The following HDAC9 variants were observed in gnomAD, a reference collection of about 807,000 sequenced individuals.
The protein encoded by HDAC9 is MEF-2 interacting transcription repressor (MITR) protein.
A neutral mutation model predicts 139.4 loss-of-function variants in HDAC9; 41 were observed. The ratio of observed to expected loss-of-function variants is 0.29; its 90% CI spans 0.23 to 0.38. The LOEUF is 0.38. Ranked by LOEUF, HDAC9 falls within the 10% of genes least tolerant of loss-of-function variation. HDAC9 has a pLI of 1.00. For synonymous variants in HDAC9, 517 were observed against 476.2 expected (o/e 1.09, Z -1.12); for missense variants, 1,147 against 1,297.0 (o/e 0.88, Z 1.78).
At chr7:18,542,503 A>G (rs922874556) in intron 2 of HDAC9, among the ~76,000 whole-genome samples, 5 of 152,260 alleles carry the variant, frequency 3.3e-5, no homozygotes, top group Non-Finnish European at 7.3e-5. Flanking sequence ...ATAGTCCTAC[A>G]GTACAGGAAA....
chr7:18,216,668 C>G (rs1432633244), intron 2 of HDAC9, among the ~76,000 whole-genome samples: 1 of 152,066 alleles, frequency 6.6e-6, no homozygotes, highest in East Asian at 1.9e-4. Context: ...TTAAACCATT[C>G]TGGGATTTCT....
intron 1 of HDAC9, among the ~76,000 whole-genome samples, chr7:18,143,324 A>G (rs912364616): frequency 6.6e-6 from 1 of 152,212 alleles, no homozygotes; most frequent in Non-Finnish European, 1.5e-5. Context: ...TGACTACATT[A>G]AGACATTTTT....
intron 2 of HDAC9, among the ~76,000 whole-genome samples, chr7:18,216,857 A>G (rs1020595038): frequency 3.3e-5 from 5 of 152,162 alleles, no homozygotes; most frequent in Admixed American, 1.3e-4. Context: ...TGATTATACA[A>G]GTTGTACACT....
chr7:18,231,389 G>C lies in HDAC9; in HGVS notation c.25+69040G>C, dbSNP rs149753799. 2.0e-5 allele frequency among the ~76,000 whole-genome samples: 3 copies of C among 152,224 alleles called. No homozygotes were observed. In the East Asian group the frequency reaches 5.8e-4, roughly 29 times the overall value. On this transcript the variant is annotated intron_variant, in intron 2 of 12. Coordinates refer to the HDAC9 transcript ENST00000417496. Reference sequence around the variant, plus strand: ...CGATCAAGCTGCATCCCCTCTCATGGGGCTGTGCTCCCCACTACACCAGTC... The same window carrying C: ...CGATCAAGCTGCATCCCCTCTCATGCGGCTGTGCTCCCCACTACACCAGTC...
At chr7:18,568,027 T>TAC (rs1554505046) in intron 2 of HDAC9, among the ~76,000 whole-genome samples, 1 of 5,800 alleles carries the variant, frequency 1.7e-4, no homozygotes, top group African/African-American at 8.3e-4. Context: ...TATGTATATG[T>TAC]ATATATATAT....
intron 1 of HDAC9, among the ~76,000 whole-genome samples, chr7:18,140,232 C>G (rs1785798422): frequency 6.6e-6 from 1 of 152,116 alleles, no homozygotes; most frequent in Admixed American, 6.6e-5. Context: ...GATAGGAAAA[C>G]AGTGACAGCA....
intron 12 of HDAC9, chr7:18,667,027 A>G (rs1795053203): frequency 1.0e-6 from 1 of 985,460 alleles, no homozygotes; most frequent in African/African-American, 1.7e-5. Flanking sequence ...TTAGTTAAGT[A>G]GAAATGTTCT....
intron 21 of HDAC9, among the ~76,000 whole-genome samples, chr7:18,840,884 A>G (rs1018970454): frequency 1.3e-4 from 20 of 152,262 alleles, no homozygotes; most frequent in African/African-American, 4.8e-4. Flanking sequence ...TATAAGAATC[A>G]TGGCTTCCGG....
chr7:18,954,337 C>T (rs1388036669), intron 24 of HDAC9, 107 bp downstream of exon 24: 1 of 880,832 alleles, frequency 1.1e-6, no homozygotes, highest in Non-Finnish European at 1.8e-6. Context: ...TCATAATTTG[C>T]ACATGCGTTC....
At chr7:18,290,092 G>A (rs575440159), upstream of HDAC9, 65 of 159,708 alleles carry the variant, frequency 4.1e-4, no homozygotes, top group Non-Finnish European at 7.6e-4. Flanking sequence ...TACCCAAATT[G>A]AGTATACTTA....
chr7:18,438,976 A>G (rs1562988174), intron 1 of HDAC9, among the ~76,000 whole-genome samples: 1 of 152,218 alleles, frequency 6.6e-6, no homozygotes, highest in African/African-American at 2.4e-5. Context: ...GCATAGTACA[A>G]AACAATGTGT....
chr7:18,157,804 T>TGAGAGAGAGA lies in HDAC9; in HGVS notation c.-96-4386_-96-4377dup, dbSNP rs67690215. Among the ~76,000 whole-genome samples the TGAGAGAGAGA allele has an allele frequency of 5.9e-3, 648 of 109,476 alleles. 49 individuals are homozygous for TGAGAGAGAGA. Among genetic ancestry groups the TGAGAGAGAGA allele is most frequent in the African/African-American group, 0.011 (312 of 27,580 alleles). 71.8% of individuals were successfully genotyped at this position (109,476 alleles called of 152,430 possible). On this transcript the variant is annotated intron_variant, in intron 1 of 12. Coordinates refer to the HDAC9 transcript ENST00000417496. ...CAGCAGAATTTCAGGTTCTAAGGCA[T>TGAGAGAGAGA]GAGAGAGAGAGAGAGAGAGAGAGAG...
chr7:18,181,076 C>G (rs1789389367), intron 2 of HDAC9, among the ~76,000 whole-genome samples: 1 of 152,210 alleles, frequency 6.6e-6, no homozygotes, highest in Non-Finnish European at 1.5e-5. Context: ...ATCTCCCCAT[C>G]TCAGAACCTT....
chr7:18,559,741 A>G (rs1820004208), intron 2 of HDAC9, among the ~76,000 whole-genome samples: 1 of 152,198 alleles, frequency 6.6e-6, no homozygotes, highest in Admixed American at 6.5e-5. Flanking sequence ...CCAAATGAAA[A>G]TAATTATTTA....
intron 21 of HDAC9, among the ~76,000 whole-genome samples, chr7:18,843,795 A>G (rs899893511): frequency 6.6e-6 from 1 of 152,178 alleles, no homozygotes; most frequent in African/African-American, 2.4e-5. Flanking sequence ...TATACTGTAA[A>G]TATAAATTTG....
intron 24 of HDAC9, among the ~76,000 whole-genome samples, chr7:18,972,868 G>A (rs1405124434): frequency 6.6e-6 from 1 of 152,186 alleles, no homozygotes; most frequent in Non-Finnish European, 1.5e-5. Flanking sequence ...GAAAATGTGT[G>A]TCAACTGAAT....
intron 25 of HDAC9, among the ~76,000 whole-genome samples, chr7:18,983,894 T>C (rs940976121): frequency 6.6e-6 from 1 of 151,916 alleles, no homozygotes; most frequent in Admixed American, 6.6e-5. Flanking sequence ...CTGTTTGGAA[T>C]GTTTATCCTG....
intron 21 of HDAC9, among the ~76,000 whole-genome samples, chr7:18,850,198 T>G (rs953159559): frequency 1.3e-5 from 2 of 152,108 alleles, no homozygotes; most frequent in Non-Finnish European, 2.9e-5. Context: ...TTTTATAGGT[T>G]CACAAAAACG....
chr7:18,316,652 A>AAT (rs397772772), intron 1 of HDAC9, among the ~76,000 whole-genome samples: 2 of 149,018 alleles, frequency 1.3e-5, no homozygotes, highest in Non-Finnish European at 3.0e-5. Flanking sequence ...AAAAAAAAAA[A>AAT]TTGGCTGGGT....
Sources: gnomAD v4.1 joint callset for allele counts (sites outside exome capture counted in the v4.1 genomes callset) on GRCh38, gnomAD v4.1.1 for gene constraint, MANE v1.5 for transcripts, NCBI Gene and HGNC (gene_info 2026-07-23, HGNC 2026-07-21) for gene names.